XRCC1: variants seen among roughly 807,000 people sequenced by gnomAD.
The protein encoded by XRCC1 is DNA repair protein XRCC1.
A neutral mutation model predicts 83.3 loss-of-function variants in XRCC1; 52 were observed. The ratio of observed to expected loss-of-function variants is 0.62; its 90% CI spans 0.50 to 0.79. XRCC1 has a LOEUF of 0.79. Among genes scored for constraint, XRCC1 ranks in the 30% least tolerant of loss-of-function variants. XRCC1 has a pLI of 0.00. For synonymous variants in XRCC1, 281 were observed against 312.6 expected, an observed-to-expected ratio of 0.90 and a Z score of 1.07; for missense variants, 793 against 823.5, an observed-to-expected ratio of 0.96 and a Z score of 0.45.
chr19:43,550,438 G>T (rs927515011), intron 10 of XRCC1, among the ~76,000 whole-genome samples: 4 of 152,284 alleles, frequency 2.6e-5, no homozygotes, highest in African/African-American at 9.6e-5. Flanking sequence ...ATGGAGCCCA[G>T]TGTGTAGCCT....
At position 43,574,927 on chromosome 19, in the gene XRCC1, T is replaced by C. The variant is rs1399065179; in HGVS notation, c.127A>G (p.Ile43Val). ...WRAAKAGEKTISVVLQLEKEE... is the reference protein window; with the variant it reads ...WRAAKAGEKTVSVVLQLEKEE... ...AGGATCACCTGTAGGACCACAGAGA[T>C]GGTCTTCTCGCCTGCCTTGGCTGCC... is the stretch of plus-strand genomic sequence containing the variant. Residue 43 changes from isoleucine to valine, a missense_variant, in exon 2 of 17, where the codon ATC (isoleucine) becomes GTC (valine). Transcript: ENST00000262887. The C allele has an allele frequency of 6.2e-7, 1 of 1,614,016 alleles. No homozygotes were observed.
At chr19:43,547,412 C>A (rs1382783448) in intron 10 of XRCC1, among the ~76,000 whole-genome samples, 1 of 151,786 alleles carries the variant, frequency 6.6e-6, no homozygotes, top group East Asian at 1.9e-4. Context: ...TCTCGATCTC[C>A]TGACCTCATG....
At chr19:43,564,813 A>G (rs924198018) in intron 2 of XRCC1, among the ~76,000 whole-genome samples, 5 of 151,948 alleles carry the variant, frequency 3.3e-5, no homozygotes, top group African/African-American at 4.8e-5. Flanking sequence ...AAAACACACA[A>G]ATTTAATATC....
Position 43,543,493 on chromosome 19 carries a change from T to G in XRCC1, c.1801A>C (p.Asn601His). 6.2e-7 allele frequency: 1 copy of G among 1,613,680 alleles called. No individual in the cohort carries two copies. The highest frequency in any genetic ancestry group is 8.5e-7 in the Non-Finnish European group (1 of 1,179,852). The change falls in exon 17 of 17, where the codon AAC becomes CAC. Residue 601 changes from asparagine (N) to histidine (H), a missense_variant. Physicochemically the swap from Asn to His is moderately conservative, Grantham distance 68. Coordinates refer to ENST00000262887, the MANE Select transcript of XRCC1 (RefSeq NM_006297.3). ...DPSFEEALMD[N>H]PSLAFVRPRW... ...GGACGAACGAATGCCAGGGAGGGGTTGTCCATCAGGGCCTGCAGGGTGGGG... is the reference window on the plus strand; with the variant it reads ...GGACGAACGAATGCCAGGGAGGGGTGGTCCATCAGGGCCTGCAGGGTGGGG...
In XRCC1 at chr19:43,553,824, G is replaced by C. The variant is rs914170982; in HGVS notation, c.415-141C>G. ...TGTTGAAGGAGGGGCCCTGGCGATG[G>C]TGATGACAATTATAGGATTAAGCTG... On this transcript the variant is annotated intron_variant, in intron 4 of 16. Transcript: ENST00000262887. The C allele has an allele frequency of 1.2e-4, 76 of 655,006 alleles. 1 individual carries two copies. The Admixed American group carries it at 2.0e-3, about 18-fold the overall frequency. 40.6% of individuals were successfully genotyped at this position (655,006 alleles called of 1,614,324 possible).
chr19:43,558,654 A>AC (rs1439883565), intron 3 of XRCC1, among the ~76,000 whole-genome samples: 12 of 151,668 alleles, frequency 7.9e-5, no homozygotes, highest in African/African-American at 2.7e-4. Context: ...ATAAATAAAT[A>AC]AATACATATA....
Position 43,575,465 on chromosome 19 carries a change from G to A in XRCC1, c.-7C>T, listed in dbSNP as rs746652593. On this transcript the variant is annotated 5_prime_UTR_variant, in exon 1 of 17. It adds an upstream start codon to the 5' untranslated region. Coordinates refer to ENST00000262887, the MANE Select transcript of XRCC1 (RefSeq NM_006297.3). Reference sequence around the variant, plus strand: ...GGAGGCGGATCTCCGGCATGTCAACGTCGTGGGCTTCGCCTGGCCAGAAGG... The same window carrying A: ...GGAGGCGGATCTCCGGCATGTCAACATCGTGGGCTTCGCCTGGCCAGAAGG... The A allele has an allele frequency of 2.4e-5, 39 of 1,611,914 alleles. No individual in the cohort carries two copies. Among genetic ancestry groups the A allele is most frequent in the Non-Finnish European group, 3.0e-5 (35 of 1,178,584 alleles).
Position 43,543,693 on chromosome 19 carries a change from G to C in XRCC1, c.1713-6C>G. 6.2e-7 allele frequency: 1 copy of C among 1,613,852 alleles called. No individual in the cohort carries two copies. Among genetic ancestry groups the C allele is most frequent in the Non-Finnish European group, 8.5e-7 (1 of 1,179,892 alleles). On this transcript the variant is annotated splice_region_variant and splice_polypyrimidine_tract_variant and intron_variant, in intron 15 of 16. Coordinates refer to ENST00000262887, the MANE Select transcript of XRCC1 (RefSeq NM_006297.3). Reference sequence around the variant, plus strand: ...TCATATAGTCCTCGAGCTCCCTGGCGGGAGAGAAGAAAAGAGGTAGAAGGC... The same window carrying C: ...TCATATAGTCCTCGAGCTCCCTGGCCGGAGAGAAGAAAAGAGGTAGAAGGC...
chr19:43,567,325 T>C (rs1972763766), intron 2 of XRCC1, among the ~76,000 whole-genome samples: 1 of 152,080 alleles, frequency 6.6e-6, no homozygotes, highest in Non-Finnish European at 1.5e-5. Flanking sequence ...ATTTATGTTT[T>C]TTGTTGAGAC....
chr19:43,543,377 TG>T lies in XRCC1; in HGVS notation c.*14del. 6.6e-7 allele frequency: 1 copy of T among 1,517,038 alleles called. No homozygotes were observed. 94.0% of individuals were successfully genotyped at this position (1,517,038 alleles called of 1,614,324 possible). ...GTGTGTGTGTGTGTGTGTGTGTGTG[TG>T]TATAGCACATACTTCAGGCTTGCGG... On this transcript the variant is annotated 3_prime_UTR_variant, in exon 17 of 17. Coordinates refer to ENST00000262887, the MANE Select transcript of XRCC1 (RefSeq NM_006297.3).
chr19:43,543,543 T>C, intron 16 of XRCC1, 38 bp from the exon 17 acceptor site: 2 of 1,613,456 alleles, frequency 1.2e-6, no homozygotes, highest in East Asian at 2.2e-5. Flanking sequence ...GAATGTGTCA[T>C]CGAGGGGAGG....
chr19:43,555,001 T>A (rs552732045), intron 3 of XRCC1, 197 bp from the exon 4 acceptor site: 6 of 481,128 alleles, frequency 1.2e-5, no homozygotes, highest in Admixed American at 7.5e-5. Context: ...CCCAGAGGGA[T>A]CTCTTTATCC....
chr19:43,568,452 G>A (rs1055609495), intron 2 of XRCC1, among the ~76,000 whole-genome samples: 5 of 151,912 alleles, frequency 3.3e-5, no homozygotes, highest in African/African-American at 1.2e-4. Flanking sequence ...AGCCACGATC[G>A]CACTACTACA....
intron 3 of XRCC1, among the ~76,000 whole-genome samples, chr19:43,559,259 A>G (rs565488229): frequency 1.1e-4 from 16 of 152,034 alleles, no homozygotes; most frequent in South Asian, 6.2e-4. Flanking sequence ...TAAGGTGGGC[A>G]GATCACAAGG....
At position 43,543,341 on chromosome 19, in the gene XRCC1, C is replaced by CGTGTGTGT. The variant is rs45592142; in HGVS notation, c.*43_*50dup. ...ACCAACTCATCTTTATTAAATGCAT[C>CGTGTGTGT]GTGTGTGTGTGTGTGTGTGTGTGTG... On this transcript the variant is annotated 3_prime_UTR_variant, in exon 17 of 17. Transcript: ENST00000262887. 2,791 of 1,043,624 alleles carry CGTGTGTGT rather than the reference C, an allele frequency of 2.7e-3. 24 individuals are homozygous for CGTGTGTGT. The highest frequency in any genetic ancestry group is 0.024 in the African/African-American group (1,338 of 56,446). 64.6% of individuals were successfully genotyped at this position (1,043,624 alleles called of 1,614,324 possible). A position where few individuals can be genotyped will look rare whatever the true frequency, so the allele number is the denominator to read the frequency against.
chr19:43,555,898 A>T (rs554632195), intron 3 of XRCC1, among the ~76,000 whole-genome samples: 4 of 152,054 alleles, frequency 2.6e-5, no homozygotes, highest in African/African-American at 7.2e-5. Context: ...TATTATTATT[A>T]TTTTTTTAAG....
rs3213335 is a variant in XRCC1, at chr19:43,558,284, G to C, written c.255+2626C>G. On this transcript the variant is annotated intron_variant, in intron 3 of 16. Coordinates refer to ENST00000262887, the MANE Select transcript of XRCC1 (RefSeq NM_006297.3). ...CGGGAGGACAAGGCTGCAGTGAGCTGAGATCGTGCCACTGCACTCCAGCCT... is the reference window on the plus strand; with the variant it reads ...CGGGAGGACAAGGCTGCAGTGAGCTCAGATCGTGCCACTGCACTCCAGCCT... Among the ~76,000 whole-genome samples, 762 of 152,104 alleles carry C rather than the reference G, an allele frequency of 5.0e-3. 5 individuals are homozygous for C. The highest frequency in any genetic ancestry group is 0.018 in the African/African-American group (732 of 41,492).
At chr19:43,569,779 C>T (rs1213291763) in intron 2 of XRCC1, among the ~76,000 whole-genome samples, 1 of 151,318 alleles carries the variant, frequency 6.6e-6, no homozygotes, top group African/African-American at 2.4e-5. Context: ...GAAACTCCGT[C>T]TCAGAAAAAA....
chr19:43,561,879 G>A (rs3213321), intron 2 of XRCC1, among the ~76,000 whole-genome samples: 3 of 152,070 alleles, frequency 2.0e-5, no homozygotes, highest in Admixed American at 6.6e-5. Context: ...AAGGTACCTG[G>A]GCCAGGTGCA....
Sources: allele counts gnomAD v4.1 joint callset (sites outside exome capture counted in the v4.1 genomes callset), GRCh38; gene constraint gnomAD v4.1.1; transcripts MANE v1.5; gene names NCBI Gene and HGNC (gene_info 2026-07-23, HGNC 2026-07-21).